The following ADGRL2 variants were observed in gnomAD, a reference collection of about 807,000 sequenced individuals.
ADGRL2 encodes the protein calcium-independent alpha-latrotoxin receptor 2.
ADGRL2 carries 44 observed loss-of-function variants against 157.4 expected under a neutral mutation model. The ratio of observed to expected loss-of-function variants is 0.28; its 90% CI spans 0.22 to 0.36. The LOEUF (loss-of-function observed/expected upper bound fraction) is 0.36. ADGRL2 is among the 10% of genes least tolerant of loss of function. The probability of loss-of-function intolerance (pLI) is 1.00; values close to 1 mark genes in which losing one functional copy is unlikely to be tolerated. For missense variants in ADGRL2, 1,510 were observed against 1,768.9 expected, an observed-to-expected ratio of 0.85 and a Z score of 2.63; for synonymous variants, 585 against 624.7, an observed-to-expected ratio of 0.94 and a Z score of 0.95.
intron 2 of ADGRL2, among the ~76,000 whole-genome samples, chr1:81,889,928 G>T (rs2094217447): frequency 6.6e-6 from 1 of 152,178 alleles, no homozygotes; most frequent in Non-Finnish European, 1.5e-5. Flanking sequence ...TCAAGACTCA[G>T]TGTACAAGGA....
chr1:81,859,445 G>A (rs1036629757), intron 2 of ADGRL2, among the ~76,000 whole-genome samples: 3 of 134,186 alleles, frequency 2.2e-5, no homozygotes, highest in South Asian at 2.3e-4. Flanking sequence ...CTTGCTCTGT[G>A]GCCCAGGCTG....
At chr1:81,707,874 A>T (rs1298689778) in intron 1 of ADGRL2, among the ~76,000 whole-genome samples, 1 of 152,150 alleles carries the variant, frequency 6.6e-6, no homozygotes, top group Non-Finnish European at 1.5e-5. Flanking sequence ...GGAAGAGAAT[A>T]TAATTATGTT....
intron 1 of ADGRL2, among the ~76,000 whole-genome samples, chr1:81,731,519 C>G (rs1215774097): frequency 6.6e-6 from 1 of 151,748 alleles, no homozygotes; most frequent in Non-Finnish European, 1.5e-5. Context: ...TTTTTTGCAG[C>G]ATATATATCA....
chr1:81,509,318 C>T (rs2079034491), intron 2 of ADGRL2, among the ~76,000 whole-genome samples: 1 of 151,980 alleles, frequency 6.6e-6, no homozygotes, highest in South Asian at 2.1e-4. Context: ...TACTGTCTTC[C>T]ATTCGTGGAA....
chr1:81,976,438 A>G (rs111250360), intron 17 of ADGRL2, among the ~76,000 whole-genome samples: 3,953 of 152,042 alleles, frequency 0.026, 80 homozygotes, highest in Middle Eastern at 0.12. Context: ...CATTAGCTAA[A>G]AGTTTTATTT....
chr1:81,889,200 TAAGCTTAGTGAGGAAGGCATATCAA>T (rs1407166247), intron 2 of ADGRL2, among the ~76,000 whole-genome samples: 2 of 152,244 alleles, frequency 1.3e-5, no homozygotes, highest in Non-Finnish European at 2.9e-5. Context: ...TAGAAATGAT[TAAGCTTAGTGAGGAAGGCATATCAA>T]AAGCTTAGAC....
intron 3 of ADGRL2, among the ~76,000 whole-genome samples, chr1:81,687,005 A>T (rs1405743869): frequency 1.3e-5 from 2 of 152,212 alleles, no homozygotes; most frequent in African/African-American, 4.8e-5. Context: ...AATGCTTGAT[A>T]TAATTTCAAT....
intron 1 of ADGRL2, among the ~76,000 whole-genome samples, chr1:81,415,308 A>C (rs2077014171): frequency 1.3e-5 from 2 of 152,186 alleles, no homozygotes; most frequent in South Asian, 4.1e-4. Context: ...AAATACCCTT[A>C]TCTACTCACC....
Position 81,993,215 on chromosome 1 carries a change from C to T in ADGRL2, c.*2070C>T, listed in dbSNP as rs2149568295. 7.0e-6 allele frequency among the ~76,000 whole-genome samples: 1 copy of T among 142,246 alleles called. No homozygotes were observed. Among genetic ancestry groups the T allele is most frequent in the East Asian group, 2.3e-4 (1 of 4,290 alleles). 93.3% of individuals were successfully genotyped at this position (142,246 alleles called of 152,430 possible). ...CTCCCAGGTTCTCAAACAGATTTAACAATCCTCTGAGAATGGTACTCATTT... is the reference window on the plus strand; with the variant it reads ...CTCCCAGGTTCTCAAACAGATTTAATAATCCTCTGAGAATGGTACTCATTT... On this transcript the variant is annotated 3_prime_UTR_variant, in exon 24 of 24. Transcript: ENST00000686636.
At chr1:81,925,316 T>C (rs888841762) in intron 3 of ADGRL2, among the ~76,000 whole-genome samples, 1 of 152,110 alleles carries the variant, frequency 6.6e-6, no homozygotes, top group Non-Finnish European at 1.5e-5. Flanking sequence ...TTCTTTTTTA[T>C]TCCCTTCTAC....
chr1:81,968,272 A>G, intron 14 of ADGRL2, 73 bp downstream of exon 14: 2 of 1,264,970 alleles, frequency 1.6e-6, no homozygotes, highest in Middle Eastern at 1.9e-4. Flanking sequence ...TAATAGTCCC[A>G]TTCTTTGGGT....
chr1:81,353,480 AG>A (rs1291387431), intron 1 of ADGRL2, among the ~76,000 whole-genome samples: 1 of 152,190 alleles, frequency 6.6e-6, no homozygotes, highest in Non-Finnish European at 1.5e-5. Flanking sequence ...ATGCAGATTC[AG>A]GGGCTCCACT....
intron 2 of ADGRL2, among the ~76,000 whole-genome samples, chr1:81,541,873 G>A (rs574203030): frequency 6.6e-6 from 1 of 152,050 alleles, no homozygotes; most frequent in East Asian, 1.9e-4. Flanking sequence ...CAGGAGAATC[G>A]CTTGAACCCG....
chr1:81,613,584 G>T (rs538106084), intron 3 of ADGRL2, among the ~76,000 whole-genome samples: 30 of 109,382 alleles, frequency 2.7e-4, no homozygotes, highest in Admixed American at 2.7e-3. Flanking sequence ...AAACTGGGAA[G>T]ATGGACAAGA....
At chr1:81,469,140 T>A (rs919884464) in intron 2 of ADGRL2, among the ~76,000 whole-genome samples, 17 of 152,208 alleles carry the variant, frequency 1.1e-4, no homozygotes, top group Non-Finnish European at 1.9e-4. Flanking sequence ...TTTCAGAAAT[T>A]CTAAGACTTG....
chr1:81,523,428 C>G (rs933024512), intron 2 of ADGRL2, among the ~76,000 whole-genome samples: 54 of 151,284 alleles, frequency 3.6e-4, no homozygotes, highest in South Asian at 4.2e-4. Context: ...TACACACACA[C>G]AGAGAGAGAG....
At chr1:81,849,948 G>C (rs2092938557) in intron 2 of ADGRL2, among the ~76,000 whole-genome samples, 1 of 151,802 alleles carries the variant, frequency 6.6e-6, no homozygotes, top group Non-Finnish European at 1.5e-5. Context: ...CAGATCAGAG[G>C]CTCATTTATG....
chr1:81,589,985 A>T (rs1172449689), intron 3 of ADGRL2, among the ~76,000 whole-genome samples: 1 of 152,196 alleles, frequency 6.6e-6, no homozygotes, highest in Admixed American at 6.5e-5. Flanking sequence ...ACCATACTCT[A>T]ACAAGCGGCC....
At chr1:81,475,965 G>A (rs1221987087) in intron 2 of ADGRL2, among the ~76,000 whole-genome samples, 3 of 152,172 alleles carry the variant, frequency 2.0e-5, no homozygotes, top group Non-Finnish European at 4.4e-5. Context: ...TGCCAGAAGG[G>A]AAAGTTCTCT....
Sources: gnomAD v4.1 joint callset for allele counts (sites outside exome capture counted in the v4.1 genomes callset) on GRCh38, gnomAD v4.1.1 for gene constraint, MANE v1.5 for transcripts, NCBI Gene and HGNC (gene_info 2026-07-23, HGNC 2026-07-21) for gene names.